The following ZNF618 variants were observed in gnomAD, a reference collection of about 807,000 sequenced individuals.
ZNF618 encodes zinc finger protein 618.
In ZNF618, 34 loss-of-function variants were observed where a neutral mutation model predicts 103.0. That is an observed-to-expected ratio of 0.33 (90% CI 0.25 to 0.44). ZNF618 has a LOEUF of 0.44. Ranked by LOEUF, ZNF618 falls within the 20% of genes least tolerant of loss-of-function variation. ZNF618 has a pLI of 1.00. For missense variants in ZNF618, 1,059 were observed against 1,295.4 expected (o/e 0.82, Z 2.80); for synonymous variants, 551 against 542.2 (o/e 1.02, Z -0.23).
intron 10 of ZNF618, 173 bp downstream of exon 10, chr9:114,016,957 G>A (rs770613361): frequency 6.7e-6 from 4 of 597,076 alleles, no homozygotes; most frequent in African/African-American, 3.7e-5. Context: ...TACAGTGGCC[G>A]GCATAGCTGA....
At chr9:113,929,352 G>C (rs955597324) in intron 1 of ZNF618, among the ~76,000 whole-genome samples, 4 of 152,148 alleles carry the variant, frequency 2.6e-5, no homozygotes, top group African/African-American at 9.7e-5. Flanking sequence ...CAGATTTCAG[G>C]GTGGTTTGCT....
intron 1 of ZNF618, among the ~76,000 whole-genome samples, chr9:113,959,969 T>A (rs1033621491): frequency 2.0e-5 from 3 of 152,190 alleles, no homozygotes; most frequent in Non-Finnish European, 4.4e-5. Flanking sequence ...CTTCTATTCT[T>A]CCATCTCTCC....
intron 1 of ZNF618, among the ~76,000 whole-genome samples, chr9:113,957,404 G>A (rs1836411489): frequency 6.6e-6 from 1 of 152,202 alleles, no homozygotes; most frequent in South Asian, 2.1e-4. Context: ...ACTCAGGCCT[G>A]ACTGACTCCA....
intron 1 of ZNF618, among the ~76,000 whole-genome samples, chr9:113,941,024 C>T (rs1016007891): frequency 1.3e-5 from 2 of 151,880 alleles, no homozygotes; most frequent in Non-Finnish European, 2.9e-5. Flanking sequence ...TCTTTATTCC[C>T]CTCTTTTCTT....
chr9:113,997,550 G>A (rs1311494143), intron 3 of ZNF618, among the ~76,000 whole-genome samples: 1 of 152,194 alleles, frequency 6.6e-6, no homozygotes, highest in Non-Finnish European at 1.5e-5. Flanking sequence ...TTTACCTGCT[G>A]GAATTGTGAG....
At chr9:114,000,162 G>A (rs2133598664) in intron 4 of ZNF618, among the ~76,000 whole-genome samples, 1 of 152,246 alleles carries the variant, frequency 6.6e-6, no homozygotes, top group South Asian at 2.1e-4. Context: ...AGCGGCCCTT[G>A]GAGTGACCCA....
At chr9:114,029,042 C>T (rs1489771096) in intron 11 of ZNF618, 70 bp downstream of exon 11, 8 of 1,500,730 alleles carry the variant, frequency 5.3e-6, no homozygotes, top group Non-Finnish European at 7.1e-6. Context: ...CACAGCTGTG[C>T]CTGGGGTTGT....
At chr9:113,928,120 G>A (rs2131788502) in intron 1 of ZNF618, among the ~76,000 whole-genome samples, 1 of 152,254 alleles carries the variant, frequency 6.6e-6, no homozygotes, top group Admixed American at 6.5e-5. Flanking sequence ...AAATCTCTTT[G>A]TACTTCAGTT....
chr9:113,924,086 T>C (rs919760178), intron 1 of ZNF618, among the ~76,000 whole-genome samples: 1 of 152,102 alleles, frequency 6.6e-6, no homozygotes, highest in African/African-American at 2.4e-5. Context: ...GAAGAGATTG[T>C]AGAGAATTGG....
chr9:113,879,787 T>G (rs1009468885), intron 1 of ZNF618, among the ~76,000 whole-genome samples: 2 of 151,972 alleles, frequency 1.3e-5, no homozygotes, highest in African/African-American at 2.4e-5. Context: ...AGGAGGTTTT[T>G]TTTTTTTTTT....
At chr9:113,952,830 A>G (rs1588138720) in intron 1 of ZNF618, among the ~76,000 whole-genome samples, 2 of 152,312 alleles carry the variant, frequency 1.3e-5, no homozygotes, top group Admixed American at 1.3e-4. Flanking sequence ...ATGCAGTTGG[A>G]CTGCTCACCT....
chr9:114,020,569 C>G (rs577654561), intron 10 of ZNF618, among the ~76,000 whole-genome samples: 1 of 152,192 alleles, frequency 6.6e-6, no homozygotes, highest in Non-Finnish European at 1.5e-5. Context: ...GTTTGTGACA[C>G]TACCATGACT....
chr9:113,911,887 T>C (rs999284449), intron 1 of ZNF618, among the ~76,000 whole-genome samples: 1 of 152,194 alleles, frequency 6.6e-6, no homozygotes, highest in Non-Finnish European at 1.5e-5. Flanking sequence ...TTCATTTTCA[T>C]GTTTTAGATT....
At chr9:113,999,426 T>G (rs1840962506) in intron 4 of ZNF618, among the ~76,000 whole-genome samples, 1 of 152,120 alleles carries the variant, frequency 6.6e-6, no homozygotes, top group Non-Finnish European at 1.5e-5. Context: ...GGGTCCCTCC[T>G]ACCAGCACAC....
intron 1 of ZNF618, among the ~76,000 whole-genome samples, chr9:113,942,058 A>G (rs188924512): frequency 6.6e-6 from 1 of 152,234 alleles, no homozygotes; most frequent in East Asian, 1.9e-4. Flanking sequence ...ATTTAGGACA[A>G]TGTCTGGTAT....
At chr9:114,032,159 T>G (rs1038174005) in intron 11 of ZNF618, among the ~76,000 whole-genome samples, 1 of 152,216 alleles carries the variant, frequency 6.6e-6, no homozygotes. Context: ...CGCCATCTGT[T>G]GCAGGATACC....
intron 1 of ZNF618, among the ~76,000 whole-genome samples, chr9:113,933,505 G>A (rs1564187055): frequency 2.6e-5 from 4 of 152,180 alleles, no homozygotes; most frequent in Admixed American, 6.5e-5. Context: ...GTTTTCTCCT[G>A]ATTGCTTCTA....
intron 1 of ZNF618, among the ~76,000 whole-genome samples, chr9:113,948,228 C>G (rs1226881636): frequency 6.6e-6 from 1 of 152,196 alleles, no homozygotes; most frequent in Non-Finnish European, 1.5e-5. Context: ...ATTGTCAACC[C>G]TGGATGGGTA....
chr9:113,911,070 G>C (rs1324738107), intron 1 of ZNF618, among the ~76,000 whole-genome samples: 1 of 152,162 alleles, frequency 6.6e-6, no homozygotes, highest in African/African-American at 2.4e-5. Flanking sequence ...CTGACCTCAA[G>C]TGATCCGCCT....
Sources: gnomAD v4.1 joint callset for allele counts (sites outside exome capture counted in the v4.1 genomes callset) on GRCh38, gnomAD v4.1.1 for gene constraint, MANE v1.5 for transcripts, NCBI Gene and HGNC (gene_info 2026-07-23, HGNC 2026-07-21) for gene names.